TBC1D16: variants seen among roughly 807,000 people sequenced by gnomAD.
The protein encoded by TBC1D16 is CTD-2529O21.1.
A neutral mutation model predicts 74.7 loss-of-function variants in TBC1D16; 58 were observed. That is an observed-to-expected ratio of 0.78 (90% CI 0.63 to 0.97). The LOEUF is 0.97. Ranked by LOEUF, TBC1D16 falls within the 50% of genes least tolerant of loss-of-function variation. TBC1D16 has a pLI of 0.00. For missense variants in TBC1D16, 1,014 were observed against 1,079.5 expected (o/e 0.94, Z 0.85); for synonymous variants, 493 against 474.7 (o/e 1.04, Z -0.50).
At chr17:79,991,218 C>T (rs562283517) in intron 3 of TBC1D16, among the ~76,000 whole-genome samples, 3 of 152,364 alleles carry the variant, frequency 2.0e-5, no homozygotes, top group African/African-American at 4.8e-5. Flanking sequence ...CCTGCGTCCA[C>T]GCCGGGAGAG....
intron 3 of TBC1D16, among the ~76,000 whole-genome samples, chr17:79,997,969 A>G (rs576402347): frequency 6.6e-6 from 1 of 152,238 alleles, no homozygotes; most frequent in African/African-American, 2.4e-5. Flanking sequence ...TACTGAAAAT[A>G]CAAAAATTAG....
chr17:79,944,784 G>T lies in TBC1D16; in HGVS notation c.1908+124C>A, dbSNP rs530208956. The T allele has an allele frequency of 3.4e-6, 3 of 882,606 alleles. No homozygotes were observed. In the South Asian group the frequency reaches 5.4e-5, roughly 16 times the overall value. The allele number at this position is 882,606 out of a possible 1,614,324, so 54.7% of individuals were successfully genotyped here. A position where few individuals can be genotyped will look rare whatever the true frequency, so the allele number is the denominator to read the frequency against. On this transcript the variant is annotated intron_variant, in intron 10 of 11. Coordinates refer to ENST00000310924, the MANE Select transcript of TBC1D16 (RefSeq NM_019020.4). This position sits in a 1 kb window ranked among gnomAD's most constrained non-coding sequence, Gnocchi z 7.7. Reference sequence around the variant, plus strand: ...TGGGACGGGAAGGCAGTCGCCGTATGGGGGGCTAATGTGTGGCTGTGGGTG... The same window carrying T: ...TGGGACGGGAAGGCAGTCGCCGTATTGGGGGCTAATGTGTGGCTGTGGGTG...
chr17:80,021,124 T>C (rs1367345154), intron 1 of TBC1D16, among the ~76,000 whole-genome samples: 1 of 149,998 alleles, frequency 6.7e-6, no homozygotes, highest in African/African-American at 2.5e-5. Context: ...TGGTGGTGCA[T>C]GCCTGTAATC....
At position 79,950,627 on chromosome 17, in the gene TBC1D16, T is replaced by G; in HGVS notation, c.1090-49A>C. ...AAGGTCAGGATCTCAGCCGCGCGGC[T>G]TCAGAGGCCAGCAGTGCTTTTCCCA... On this transcript the variant is annotated intron_variant, in intron 5 of 11. Coordinates refer to ENST00000310924, the MANE Select transcript of TBC1D16 (RefSeq NM_019020.4). The surrounding 1 kb of genome is among the most constrained non-coding windows in gnomAD (Gnocchi z 4.6). 1 of 1,592,182 alleles carries G rather than the reference T, an allele frequency of 6.3e-7. No homozygotes were observed. The highest frequency in any genetic ancestry group is 2.3e-5 in the East Asian group (1 of 44,208).
At chr17:79,953,831 T>C (rs1262208281) in intron 3 of TBC1D16, among the ~76,000 whole-genome samples, 2 of 151,952 alleles carry the variant, frequency 1.3e-5, no homozygotes, top group Non-Finnish European at 2.9e-5. Context: ...GAGTGCAGTG[T>C]GCGATCTCGG....
Position 79,986,809 on chromosome 17 carries a change from G to A in TBC1D16, c.779+23351C>T, listed in dbSNP as rs771518250. Among the ~76,000 whole-genome samples, 8 of 152,242 alleles carry A rather than the reference G, an allele frequency of 5.3e-5. No individual in the cohort carries two copies. The highest frequency in any genetic ancestry group is 1.2e-4 in the Non-Finnish European group (8 of 68,046). Reference sequence around the variant, plus strand: ...CAGCGGGAGATGACACCTCCGATCAGGTCCACGGGAAGATGGGGGTGAACG... The same window carrying A: ...CAGCGGGAGATGACACCTCCGATCAAGTCCACGGGAAGATGGGGGTGAACG... On this transcript the variant is annotated intron_variant, in intron 3 of 11. Coordinates refer to ENST00000310924, the MANE Select transcript of TBC1D16 (RefSeq NM_019020.4). This position sits in a 1 kb window ranked among gnomAD's most constrained non-coding sequence, Gnocchi z 6.0.
chr17:79,943,782 C>T (rs1002949410), intron 10 of TBC1D16: 1 of 1,233,932 alleles, frequency 8.1e-7, no homozygotes, highest in African/African-American at 1.5e-5. Context: ...GAAAGGGACC[C>T]ATCTGCCGGG....
At chr17:80,026,493 G>GATCA (rs2036586815) in intron 1 of TBC1D16, among the ~76,000 whole-genome samples, 1 of 149,764 alleles carries the variant, frequency 6.7e-6, no homozygotes, top group African/African-American at 2.6e-5. Flanking sequence ...AGAGGCTTGA[G>GATCA]ATCAGGAAGC....
rs529468840 is a variant in TBC1D16, at chr17:79,977,257, C to T, written c.780-24439G>A. On this transcript the variant is annotated intron_variant, in intron 3 of 11. Coordinates refer to ENST00000310924, the MANE Select transcript of TBC1D16 (RefSeq NM_019020.4). ...AGGGAAGATGCATGGAGCCCCGCCC[C>T]ATCCCAGAGACGGCCCGGTGCACAG... 2.6e-5 allele frequency among the ~76,000 whole-genome samples: 4 copies of T among 152,358 alleles called. No individual in the cohort carries two copies. In the East Asian group the frequency reaches 7.7e-4, roughly 29 times the overall value.
intron 3 of TBC1D16, among the ~76,000 whole-genome samples, chr17:79,966,435 C>T (rs1424856189): frequency 6.6e-6 from 1 of 152,144 alleles, no homozygotes; most frequent in African/African-American, 2.4e-5. Flanking sequence ...CACTTCCTTT[C>T]CATACCCCAG....
chr17:79,973,709 C>CA (rs869165079), intron 3 of TBC1D16, among the ~76,000 whole-genome samples: 1,460 of 95,208 alleles, frequency 0.015, 26 homozygotes, highest in African/African-American at 0.046. Flanking sequence ...GACTCTGTCT[C>CA]AAAAAAAAAA....
intron 3 of TBC1D16, among the ~76,000 whole-genome samples, chr17:79,955,781 G>C (rs1361550406): frequency 6.6e-6 from 1 of 152,194 alleles, no homozygotes; most frequent in African/African-American, 2.4e-5. Flanking sequence ...ATGAAAAAAA[G>C]TCAGCACTAT....
At position 79,950,522 on chromosome 17, in the gene TBC1D16, C is replaced by G; in HGVS notation, c.1146G>C (p.Pro382=). 6.2e-7 allele frequency: 1 copy of G among 1,613,376 alleles called. No homozygotes were observed. Among genetic ancestry groups the G allele is most frequent in the African/African-American group, 1.3e-5 (1 of 75,046 alleles). The change falls in exon 6 of 12, where the codon CCG becomes CCC. Residue 382 remains proline (P), a synonymous_variant. Transcript: ENST00000310924. The surrounding 1 kb of genome is among the most constrained non-coding windows in gnomAD (Gnocchi z 4.6). ...MQFSIRRPKL[P]SSETHPEESM... is the part of the protein sequence containing the mutation. ...TCTCCTCGGGGTGCGTCTCGGAGGA[C>G]GGCAGCTTGGGGCGGCGGATGGAGA...
chr17:79,943,986 C>G (rs887498365), intron 10 of TBC1D16: 2 of 1,525,504 alleles, frequency 1.3e-6, no homozygotes, highest in Non-Finnish European at 1.8e-6. Context: ...CCACGTCCAG[C>G]AGGCTGAGCC....
intron 3 of TBC1D16, among the ~76,000 whole-genome samples, chr17:80,005,330 A>G (rs2035634731): frequency 6.6e-6 from 1 of 152,142 alleles, no homozygotes; most frequent in African/African-American, 2.4e-5. Context: ...TCACCAATGC[A>G]CATCCCCGGG....
At chr17:80,006,029 G>T (rs571515699) in intron 3 of TBC1D16, among the ~76,000 whole-genome samples, 39 of 152,178 alleles carry the variant, frequency 2.6e-4, no homozygotes, top group African/African-American at 8.9e-4. Context: ...CCTCCGGGGG[G>T]ACTCAACTCC....
chr17:79,974,142 C>A (rs372646391), intron 3 of TBC1D16, among the ~76,000 whole-genome samples: 1 of 152,118 alleles, frequency 6.6e-6, no homozygotes, highest in Non-Finnish European at 1.5e-5. Context: ...AGACAGCTGG[C>A]GGGATGGAGG....
chr17:80,013,679 G>A (rs143741271), intron 1 of TBC1D16, 70 bp from the exon 2 acceptor site: 4 of 971,762 alleles, frequency 4.1e-6, no homozygotes, highest in African/African-American at 1.7e-5. Flanking sequence ...AGTACGTGTC[G>A]CCTCGGCACC....
At chr17:79,966,333 G>A (rs1466376716) in intron 3 of TBC1D16, among the ~76,000 whole-genome samples, 1 of 152,104 alleles carries the variant, frequency 6.6e-6, no homozygotes, top group Non-Finnish European at 1.5e-5. Context: ...TGCAATCTGA[G>A]GTTCCAGGTG....
Sources: gnomAD v4.1 joint callset for allele counts (sites outside exome capture counted in the v4.1 genomes callset) on GRCh38, gnomAD v4.1.1 for gene constraint, Gnocchi (gnomAD v3.1) non-coding constraint, MANE v1.5 for transcripts, NCBI Gene and HGNC (gene_info 2026-07-23, HGNC 2026-07-21) for gene names.